C2CD2: variants seen among roughly 807,000 people sequenced by gnomAD.
C2CD2 encodes the protein C2 domain-containing protein 2.
Under a neutral mutation model 74.3 loss-of-function variants are expected in C2CD2, and 43 were observed. The observed-to-expected ratio is 0.58, with a 90% CI of 0.45 to 0.75. The LOEUF (loss-of-function observed/expected upper bound fraction) is 0.75. Among genes scored for constraint, C2CD2 ranks in the 30% least tolerant of loss-of-function variants. The pLI, the probability that C2CD2 is intolerant of heterozygous loss-of-function variation, is 0.00. For synonymous variants in C2CD2, 422 were observed against 390.7 expected (o/e 1.08, Z -0.94); for missense variants, 801 against 916.3 (o/e 0.87, Z 1.63).
At chr21:41,897,042 G>A (rs11700910) in intron 13 of C2CD2, among the ~76,000 whole-genome samples, 56,440 of 152,070 alleles carry the variant, frequency 0.37, 10,797 homozygotes, top group African/African-American at 0.46. Context: ...TGCGTTGCAG[G>A]TGGCCAGCCC....
rs540716333 is a variant in C2CD2, at chr21:41,909,430, C to T, written c.1018+29G>A. 1.5e-5 allele frequency: 24 copies of T among 1,551,100 alleles called. No homozygotes were observed. The East Asian group carries it at 4.9e-4, about 32-fold the overall frequency. On this transcript the variant is annotated intron_variant, in intron 8 of 13. Coordinates refer to ENST00000380486, the MANE Select transcript of C2CD2 (RefSeq NM_015500.2). The stretch of plus-strand genomic sequence containing the variant: ...TGCAGCGGAGGACCTTTCCAGAGGG[C>T]GAGGCCTCTGTCCTCCTGCTCAACC...
Position 41,903,979 on chromosome 21 carries a change from G to C in C2CD2, c.1432+1745C>G, listed in dbSNP as rs1406689960. ...ACCAGAGCGGCTCCAGCTCAAATAA[G>C]GGCTGGGCAAAATGAGGCTGGGATC... is the stretch of plus-strand genomic sequence containing the variant. On this transcript the variant is annotated intron_variant, in intron 11 of 13. Coordinates refer to ENST00000380486, the MANE Select transcript of C2CD2 (RefSeq NM_015500.2). The surrounding 1 kb of genome is among the most constrained non-coding windows in gnomAD (Gnocchi z 4.5). 6.6e-6 allele frequency among the ~76,000 whole-genome samples: 1 copy of C among 152,196 alleles called. No individual in the cohort carries two copies. Among genetic ancestry groups the C allele is most frequent in the Non-Finnish European group, 1.5e-5 (1 of 68,036 alleles).
chr21:41,911,834 C>T (rs907892461), intron 7 of C2CD2, among the ~76,000 whole-genome samples: 2 of 152,064 alleles, frequency 1.3e-5, no homozygotes, highest in Admixed American at 6.6e-5. Context: ...AGGAGTACTA[C>T]AGGCAAGGCA....
At chr21:41,948,090 C>T (rs1374529447) in intron 1 of C2CD2, among the ~76,000 whole-genome samples, 2 of 152,248 alleles carry the variant, frequency 1.3e-5, no homozygotes, top group African/African-American at 4.8e-5. Flanking sequence ...CTTGCAAAGT[C>T]ATCAGAGCCT....
intron 4 of C2CD2, 44 bp downstream of exon 4, chr21:41,918,812 C>A: frequency 6.9e-7 from 1 of 1,443,792 alleles, no homozygotes; most frequent in African/African-American, 1.4e-5. Flanking sequence ...AACACACGTG[C>A]GTTCTCACGC....
At chr21:41,891,336 A>G (rs1327103342) in intron 13 of C2CD2, among the ~76,000 whole-genome samples, 1 of 152,228 alleles carries the variant, frequency 6.6e-6, no homozygotes, top group East Asian at 1.9e-4. Context: ...TGAAAAATGC[A>G]GCACATCGTG....
At position 41,885,579 on chromosome 21, in the gene C2CD2, G is replaced by A. The variant is rs1270697163; in HGVS notation, c.*3545C>T. On this transcript the variant is annotated 3_prime_UTR_variant, in exon 14 of 14. Coordinates refer to ENST00000380486, the MANE Select transcript of C2CD2 (RefSeq NM_015500.2). ...AGGCCGGTTTGGGGCAGTGGGGAGA[G>A]GGCCTGGCAGCAGGGTTTACGCCAG... 1.3e-5 allele frequency: 2 copies of A among 152,762 alleles called. No homozygotes were observed. The highest frequency in any genetic ancestry group is 1.9e-4 in the East Asian group (1 of 5,204). 9.5% of individuals were successfully genotyped at this position (152,762 alleles called of 1,614,324 possible).
chr21:41,947,112 T>TTCTCTCCCTCTCTCTCTCTCTCTC lies in C2CD2; in HGVS notation c.280-4868_280-4867insGAGAGAGAGAGAGAGAGGGAGAGA, dbSNP rs1555906756. On this transcript the variant is annotated intron_variant, in intron 1 of 13. Coordinates refer to ENST00000380486, the MANE Select transcript of C2CD2 (RefSeq NM_015500.2). ...TTTCTTTCTTTCTTTCCTTTCTCTT[T>TTCTCTCCCTCTCTCTCTCTCTCTC]TCTCTCTCTCTCTCTCTCTCTCTCT... Among the ~76,000 whole-genome samples, 36 of 26,210 alleles carry TTCTCTCCCTCTCTCTCTCTCTCTC rather than the reference T, an allele frequency of 1.4e-3. 3 individuals carry two copies. Among genetic ancestry groups the TTCTCTCCCTCTCTCTCTCTCTCTC allele is most frequent in the African/African-American group, 2.4e-3 (14 of 5,806 alleles). 17.2% of individuals were successfully genotyped at this position (26,210 alleles called of 152,430 possible). A position where few individuals can be genotyped will look rare whatever the true frequency, so the allele number is the denominator to read the frequency against.
rs2064832067 is a variant in C2CD2, at chr21:41,897,050, CCCCAGCCCCCAACACACCTGCCCGACA to C, written c.1870+1976_1870+2002del. 2.0e-5 allele frequency among the ~76,000 whole-genome samples: 3 copies of C among 152,220 alleles called. No homozygotes were observed. The South Asian group carries it at 6.2e-4, about 32-fold the overall frequency. On this transcript the variant is annotated intron_variant, in intron 13 of 13. Transcript: ENST00000380486. The stretch of plus-strand genomic sequence containing the variant: ...CTGAGCCTGCGTTGCAGGTGGCCAG[CCCCAGCCCCCAACACACCTGCCCGACA>C]CCCAGTCCCCAAAGGGTGGACCCCT...
Position 41,906,997 on chromosome 21 carries a change from C to G in C2CD2, c.1313G>C (p.Ser438Thr), listed in dbSNP as rs149097056. 6.2e-7 allele frequency: 1 copy of G among 1,613,268 alleles called. No individual in the cohort carries two copies. Among genetic ancestry groups the G allele is most frequent in the Non-Finnish European group, 8.5e-7 (1 of 1,179,694 alleles). Reference protein sequence around the residue: ...RVDVGRASPLSSDSPVKTPIK... With the variant: ...RVDVGRASPLTSDSPVKTPIK... ...CTGCGTTCCTGTTGTCTCACCAGAG[C>G]TCAGCGGGGACGCCCTCCCCACGTC... The change falls in exon 10 of 14, where the codon AGC becomes ACC. Residue 438 changes from serine (S) to threonine (T), a missense_variant. Ser to Thr is a moderately conservative substitution (Grantham distance 58, BLOSUM62 1). Transcript: ENST00000380486.
chr21:41,894,650 T>G (rs1239849204), intron 13 of C2CD2: 1 of 456,442 alleles, frequency 2.2e-6, no homozygotes, highest in Non-Finnish European at 4.4e-6. Flanking sequence ...ATTCCCAGAA[T>G]GAGTTGCGTC....
intron 9 of C2CD2, 65 bp from the exon 10 acceptor site, chr21:41,907,231 A>C: frequency 8.1e-7 from 1 of 1,235,646 alleles, no homozygotes; most frequent in Non-Finnish European, 1.2e-6. Flanking sequence ...TCAGCCAGGT[A>C]ACACTGCCTT....
intron 6 of C2CD2, among the ~76,000 whole-genome samples, chr21:41,914,155 G>A (rs865798136): frequency 6.6e-6 from 1 of 152,082 alleles, no homozygotes; most frequent in East Asian, 1.9e-4. Flanking sequence ...GAACCCAGGA[G>A]GTGGAGGTTG....
intron 7 of C2CD2, among the ~76,000 whole-genome samples, chr21:41,909,922 G>A (rs907144516): frequency 1.3e-5 from 2 of 151,356 alleles, no homozygotes; most frequent in Non-Finnish European, 2.9e-5. Flanking sequence ...GCTATATAAT[G>A]ACCTAAAGAC....
At chr21:41,918,600 A>T (rs1365095162) in intron 4 of C2CD2, among the ~76,000 whole-genome samples, 3 of 151,776 alleles carry the variant, frequency 2.0e-5, no homozygotes, top group Admixed American at 1.3e-4. Flanking sequence ...TTTTTTTTTT[A>T]AATGGCCAGG....
intron 2 of C2CD2, among the ~76,000 whole-genome samples, chr21:41,935,502 G>A (rs1180892057): frequency 6.6e-6 from 1 of 152,184 alleles, no homozygotes; most frequent in Non-Finnish European, 1.5e-5. Flanking sequence ...TTGCCAGAGT[G>A]TGGGAGTATC....
Position 41,918,919 on chromosome 21 carries a change from A to C in C2CD2, c.534T>G (p.Ile178Met). The C allele has an allele frequency of 1.2e-6, 2 of 1,614,216 alleles. No homozygotes were observed. Among genetic ancestry groups the C allele is most frequent in the Non-Finnish European group, 1.7e-6 (2 of 1,180,010 alleles). ...HMKEKREDLQ[I>M]SWSFISVPEM... ...CCGGCACACTGATGAAAGACCAGCT[A>C]ATCTGGAGGTCCTCTCTCTTCTCCT... The change falls in exon 4 of 14, where the codon ATT (isoleucine) becomes ATG (methionine). Residue 178 changes from isoleucine (I) to methionine (M), a missense_variant. Transcript: ENST00000380486.
intron 1 of C2CD2, among the ~76,000 whole-genome samples, chr21:41,952,387 C>A (rs1335498773): frequency 1.3e-5 from 2 of 152,136 alleles, no homozygotes; most frequent in African/African-American, 4.8e-5. Flanking sequence ...GTTGATGGGG[C>A]CGGACATTGA....
chr21:41,885,903 C>T lies in C2CD2; in HGVS notation c.*3221G>A, dbSNP rs1028681904. On this transcript the variant is annotated 3_prime_UTR_variant, in exon 14 of 14. Coordinates refer to ENST00000380486, the MANE Select transcript of C2CD2 (RefSeq NM_015500.2). ...AAGGGATCAGGGCTGGTTTTGAACT[C>T]AGACTTGAAACTTGACGAAAATAAA... The T allele has an allele frequency of 2.0e-5, 3 of 152,464 alleles. No homozygotes were observed. The highest frequency in any genetic ancestry group is 7.2e-5 in the African/African-American group (3 of 41,444). The allele number at this position is 152,464 out of a possible 1,614,324, so 9.4% of individuals were successfully genotyped here.
Sources: allele counts gnomAD v4.1 joint callset (sites outside exome capture counted in the v4.1 genomes callset), GRCh38; gene constraint gnomAD v4.1.1; non-coding constraint Gnocchi (gnomAD v3.1); transcripts MANE v1.5; gene names NCBI Gene and HGNC (gene_info 2026-07-23, HGNC 2026-07-21).